The following ZHX1 variants were observed in gnomAD, a reference collection of about 807,000 sequenced individuals.
ZHX1 encodes zinc fingers and homeoboxes 1, also known as zinc fingers and homeoboxes protein 1.
A neutral mutation model predicts 61.8 loss-of-function variants in ZHX1; 20 were observed. The ratio of observed to expected loss-of-function variants is 0.32; its 90% CI spans 0.23 to 0.47. The LOEUF is 0.47. Ranked by LOEUF, ZHX1 falls within the 20% of genes least tolerant of loss-of-function variation. The pLI is 1.00. For synonymous variants in ZHX1, 318 were observed against 352.6 expected (o/e 0.90, Z 1.10); for missense variants, 800 against 1,034.8 (o/e 0.77, Z 3.11).
chr8:123,254,588 G>A lies in ZHX1; in HGVS notation c.1359C>T (p.Val453=). Residue 453 remains valine (V), a synonymous_variant, in exon 3 of 4, where the codon GTC becomes GTT. Transcript: ENST00000395571. The surrounding 1 kb of genome is among the most constrained non-coding windows in gnomAD (Gnocchi z 4.1). ...GGTTTACCAATGCAGTTTCATGTTTGACACTTTGAGAAGTTGGAACTGCTG... is the reference window on the plus strand; with the variant it reads ...GGTTTACCAATGCAGTTTCATGTTTAACACTTTGAGAAGTTGGAACTGCTG... ...ATAAVPTSQS[V]KHETALVNPD... is the part of the protein sequence containing the mutation. The A allele has an allele frequency of 6.2e-7, 1 of 1,614,174 alleles. No homozygotes were observed. The highest frequency in any genetic ancestry group is 8.5e-7 in the Non-Finnish European group (1 of 1,180,020).
At chr8:123,267,053 GATTT>G (rs1445936764) in intron 2 of ZHX1, among the ~76,000 whole-genome samples, 2 of 152,010 alleles carry the variant, frequency 1.3e-5, no homozygotes, top group African/African-American at 4.8e-5. Flanking sequence ...AAATATACAA[GATTT>G]ATTATGAAGT....
At chr8:123,252,759 C>T (rs1278924118) in intron 3 of ZHX1, 1 of 152,044 alleles carries the variant, frequency 6.6e-6, no homozygotes, top group Non-Finnish European at 1.5e-5. Context: ...ATACATAAAG[C>T]ATTTTAAACT....
chr8:123,255,915 C>T lies in ZHX1; in HGVS notation c.32G>A (p.Cys11Tyr), dbSNP rs189340272. MASRRKSTTP[C>Y]MVLASEQDPD... ...ATCTTGTTCACTGGCAAGGACCATG[C>T]AAGGTGTTGTTGATTTTCGCCTGCT... The change falls in exon 3 of 4, where the codon TGC (cysteine) becomes TAC (tyrosine). Residue 11 changes from cysteine (C) to tyrosine (Y), a missense_variant. By Grantham distance (194) the Cys-to-Tyr change is radical (BLOSUM62 -2). Transcript: ENST00000395571. 3 of 1,609,366 alleles carry T rather than the reference C, an allele frequency of 1.9e-6. No individual in the cohort carries two copies. Among genetic ancestry groups the T allele is most frequent in the African/African-American group, 1.3e-5 (1 of 74,840 alleles).
In ZHX1 at chr8:123,255,273, G is replaced by A; in HGVS notation, c.674C>T (p.Pro225Leu). 1 of 1,614,108 alleles carries A rather than the reference G, an allele frequency of 6.2e-7. No homozygotes were observed. Among genetic ancestry groups the A allele is most frequent in the South Asian group, 1.1e-5 (1 of 91,066 alleles). ...ATTAGATTCAGAAGCTGAAGAACTT[G>A]GATTTTCTACAATTTCTTCACGGTC... ...KPDREEIVEN[P>L]SSSASESNTS... Residue 225 changes from proline to leucine, a missense_variant, in exon 3 of 4, where the codon CCA becomes CTA. Pro to Leu is a moderately conservative substitution (Grantham distance 98). Transcript: ENST00000395571.
At chr8:123,253,053 T>C (rs919761852) in intron 3 of ZHX1, 9 of 321,354 alleles carry the variant, frequency 2.8e-5, no homozygotes, top group African/African-American at 8.6e-5. Context: ...TTCATAGAGA[T>C]TGGGTAACTT....
intron 3 of ZHX1, among the ~76,000 whole-genome samples, chr8:123,252,227 G>A (rs944504492): frequency 6.6e-6 from 1 of 152,130 alleles, no homozygotes; most frequent in African/African-American, 2.4e-5. Context: ...CATGACAACT[G>A]CATTGTTTTC....
At chr8:123,271,567 TTTTCA>T (rs1162216759) in intron 1 of ZHX1, among the ~76,000 whole-genome samples, 3 of 152,178 alleles carry the variant, frequency 2.0e-5, no homozygotes, top group Non-Finnish European at 4.4e-5. Context: ...TTTAAAAGCA[TTTTCA>T]TTTAAGTATT....
intron 2 of ZHX1, among the ~76,000 whole-genome samples, chr8:123,262,605 C>A (rs1021091600): frequency 6.6e-6 from 1 of 152,132 alleles, no homozygotes; most frequent in Non-Finnish European, 1.5e-5. Flanking sequence ...CCTCTGCCTC[C>A]CTGTGTTGGG....
At chr8:123,263,133 C>T (rs1447027601) in intron 2 of ZHX1, among the ~76,000 whole-genome samples, 2 of 151,342 alleles carry the variant, frequency 1.3e-5, no homozygotes, top group African/African-American at 4.8e-5. Context: ...GCAAGAATCC[C>T]TCAGTATGTA....
chr8:123,254,337 G>A lies in ZHX1; in HGVS notation c.1610C>T (p.Thr537Ile), dbSNP rs1475347321. The A allele has an allele frequency of 2.5e-6, 4 of 1,614,108 alleles. No homozygotes were observed. The highest frequency in any genetic ancestry group is 3.4e-6 in the Non-Finnish European group (4 of 1,180,000). ...TTCATCACTGGAGTCTATAATAATG[G>A]TGGTAGAGGAATCATTGTTGAGATG... ...CLHLNNDSSTTIIIDSSDETT... is the reference protein window; with the variant it reads ...CLHLNNDSSTIIIIDSSDETT... The change falls in exon 3 of 4, where the codon ACC (threonine) becomes ATC (isoleucine). Residue 537 changes from threonine (T) to isoleucine (I), a missense_variant. Transcript: ENST00000395571. The surrounding 1 kb of genome is among the most constrained non-coding windows in gnomAD (Gnocchi z 4.1).
chr8:123,265,424 G>C (rs190515418), intron 2 of ZHX1, among the ~76,000 whole-genome samples: 3 of 151,806 alleles, frequency 2.0e-5, no homozygotes, highest in South Asian at 2.1e-4. Context: ...ACTTTAACAC[G>C]TTTGTATTCA....
At chr8:123,269,152 A>G (rs937811669) in intron 1 of ZHX1, among the ~76,000 whole-genome samples, 1 of 152,218 alleles carries the variant, frequency 6.6e-6, no homozygotes, top group African/African-American at 2.4e-5. Flanking sequence ...GGACTAGAAG[A>G]GAAGATAGGA....
At position 123,254,645 on chromosome 8, in the gene ZHX1, A is replaced by C. The variant is rs759325579; in HGVS notation, c.1302T>G (p.Ala434=). ...CTGGCTTTGTTTCTGCAGTAGGCTGAGCAGCAGGTACCTGACTTTTCTGTA... is the reference window on the plus strand; with the variant it reads ...CTGGCTTTGTTTCTGCAGTAGGCTGCGCAGCAGGTACCTGACTTTTCTGTA... The part of the protein sequence containing the change: ...NNIQKSQVPA[A]QPTAETKPAT... Residue 434 remains alanine (A), a synonymous_variant, in exon 3 of 4, where the codon GCT becomes GCG. Transcript: ENST00000395571. The surrounding 1 kb of genome is among the most constrained non-coding windows in gnomAD (Gnocchi z 4.1). The C allele has an allele frequency of 5.0e-6, 8 of 1,614,056 alleles. No homozygotes were observed. The East Asian group carries it at 1.6e-4, about 31-fold the overall frequency.
rs936881623 is a variant in ZHX1, at chr8:123,255,316, C to T, written c.631G>A (p.Glu211Lys). The T allele has an allele frequency of 1.2e-6, 2 of 1,614,134 alleles. No individual in the cohort carries two copies. Among genetic ancestry groups the T allele is most frequent in the Non-Finnish European group, 8.5e-7 (1 of 1,180,028 alleles). The change falls in exon 3 of 4, where the codon GAG becomes AAG. Residue 211 changes from glutamate to lysine, a missense_variant. Glu to Lys is a moderately conservative substitution (Grantham distance 56). Transcript: ENST00000395571. ...TCACGGTCTGGTTTGATTTCATTCT[C>T]TTTCTCTTCAGGAACGTCCTCAACT... ...NSVEDVPEEK[E>K]NEIKPDREEI...
At chr8:123,251,431 G>C (rs1019285019) in intron 3 of ZHX1, among the ~76,000 whole-genome samples, 1 of 152,002 alleles carries the variant, frequency 6.6e-6, no homozygotes, top group African/African-American at 2.4e-5. Flanking sequence ...GTAGTTTTAG[G>C]ATGAATTTTC....
At chr8:123,256,966 T>G (rs2131195958) in intron 2 of ZHX1, 1 of 152,256 alleles carries the variant, frequency 6.6e-6, no homozygotes, top group Admixed American at 6.5e-5. Context: ...CCACCCAGGC[T>G]GGAGTGCAGT....
chr8:123,250,629 CT>C (rs1453170569), intron 3 of ZHX1, among the ~76,000 whole-genome samples: 1 of 152,098 alleles, frequency 6.6e-6, no homozygotes, highest in African/African-American at 2.4e-5. Context: ...AAGACTTGTA[CT>C]TTTTTCTATT....
In ZHX1 at chr8:123,255,122, C is replaced by A; in HGVS notation, c.825G>T (p.Leu275Phe). The A allele has an allele frequency of 6.2e-7, 1 of 1,614,190 alleles. No homozygotes were observed. Among genetic ancestry groups the A allele is most frequent in the South Asian group, 1.1e-5 (1 of 91,074 alleles). Residue 275 changes from leucine (L) to phenylalanine (F), a missense_variant, in exon 3 of 4, where the codon TTG becomes TTT. By Grantham distance (22) the Leu-to-Phe change is conservative. Transcript: ENST00000395571. ...TAVSAQQNSN[L>F]IPKVLIPVNS... ...TAACAGGGATTAAGACTTTGGGAAT[C>A]AAATTAGAATTCTGCTGAGCAGATA...
At chr8:123,269,134 C>A (rs1246807444) in intron 1 of ZHX1, among the ~76,000 whole-genome samples, 1 of 152,160 alleles carries the variant, frequency 6.6e-6, no homozygotes, top group African/African-American at 2.4e-5. Flanking sequence ...CATCAATCTA[C>A]AGGATGTGGA....
Sources: allele counts gnomAD v4.1 joint callset (sites outside exome capture counted in the v4.1 genomes callset), GRCh38; gene constraint gnomAD v4.1.1; non-coding constraint Gnocchi (gnomAD v3.1); transcripts MANE v1.5; gene names NCBI Gene and HGNC (gene_info 2026-07-23, HGNC 2026-07-21).